The following HS3ST5 variants were observed in gnomAD, a reference collection of about 807,000 sequenced individuals.
HS3ST5 encodes heparan sulfate glucosamine 3-O-sulfotransferase 5.
A neutral mutation model predicts 25.4 loss-of-function variants in HS3ST5; 10 were observed. That is an observed-to-expected ratio of 0.39 (90% CI 0.24 to 0.67). The LOEUF (loss-of-function observed/expected upper bound fraction) is 0.67. Ranked by LOEUF, HS3ST5 falls within the 30% of genes least tolerant of loss-of-function variation. The pLI, the probability that HS3ST5 is intolerant of heterozygous loss-of-function variation, is 0.44. For synonymous variants in HS3ST5, 170 were observed against 162.4 expected (o/e 1.05, Z -0.36); for missense variants, 324 against 420.7 (o/e 0.77, Z 2.01).
chr6:114,237,437 T>C (rs565222306), intron 1 of HS3ST5, among the ~76,000 whole-genome samples: 28 of 152,256 alleles, frequency 1.8e-4, no homozygotes, highest in African/African-American at 6.0e-4. Context: ...CCTCAATTTT[T>C]ATTTTGTCTA....
chr6:114,323,159 C>T (rs1776035688), intron 1 of HS3ST5, among the ~76,000 whole-genome samples: 1 of 151,976 alleles, frequency 6.6e-6, no homozygotes, highest in Non-Finnish European at 1.5e-5. Context: ...AGCCTATTGC[C>T]AACTAACAAA....
chr6:114,197,188 A>G (rs1780803250), intron 2 of HS3ST5, among the ~76,000 whole-genome samples: 1 of 151,684 alleles, frequency 6.6e-6, no homozygotes, highest in East Asian at 1.9e-4. Flanking sequence ...AAATAAATGA[A>G]TGAACTGCCA....
intron 1 of HS3ST5, among the ~76,000 whole-genome samples, chr6:114,279,888 A>G (rs917077439): frequency 6.6e-6 from 1 of 152,018 alleles, no homozygotes; most frequent in Non-Finnish European, 1.5e-5. Flanking sequence ...TAGAAACATC[A>G]TGGTGAATCC....
chr6:114,272,393 A>G (rs1219891378), intron 1 of HS3ST5, among the ~76,000 whole-genome samples: 1 of 152,130 alleles, frequency 6.6e-6, no homozygotes, highest in Non-Finnish European at 1.5e-5. Context: ...GGCAAGACTT[A>G]ACTTTGAAAG....
chr6:114,281,539 G>A (rs1282085424), intron 1 of HS3ST5, among the ~76,000 whole-genome samples: 2 of 151,938 alleles, frequency 1.3e-5, no homozygotes, highest in Non-Finnish European at 2.9e-5. Context: ...GTGGCCACAT[G>A]GAAAACAGCT....
Position 114,055,646 on chromosome 6 carries a change from C to G in HS3ST5, c.*1611G>C, listed in dbSNP as rs1361819025. 3 of 152,212 alleles carry G rather than the reference C, an allele frequency of 2.0e-5. No homozygotes were observed. Among genetic ancestry groups the G allele is most frequent in the African/African-American group, 7.2e-5 (3 of 41,454 alleles). 9.4% of individuals were successfully genotyped at this position (152,212 alleles called of 1,614,324 possible). A position where few individuals can be genotyped will look rare whatever the true frequency, so the allele number is the denominator to read the frequency against. On this transcript the variant is annotated 3_prime_UTR_variant, in exon 5 of 5. Transcript: ENST00000312719. Reference sequence around the variant, plus strand: ...AAAAGTTCACCATCAAATCACTAGACAGGATAAACAACTCATGGAGAAAAT... The same window carrying G: ...AAAAGTTCACCATCAAATCACTAGAGAGGATAAACAACTCATGGAGAAAAT...
intron 3 of HS3ST5, among the ~76,000 whole-genome samples, chr6:114,118,291 G>GA (rs1056534406): frequency 1.1e-4 from 16 of 151,598 alleles, no homozygotes; most frequent in Non-Finnish European, 2.4e-4. Context: ...ATTTTCAGCG[G>GA]AAAAAAAATG....
chr6:114,255,699 ATGTGGAAG>A (rs1772875448), intron 1 of HS3ST5, among the ~76,000 whole-genome samples: 5 of 152,140 alleles, frequency 3.3e-5, no homozygotes, highest in Admixed American at 1.3e-4. Context: ...GCCCAACACC[ATGTGGAAG>A]CTGCCAAGGC....
chr6:114,268,949 T>C (rs572998862), intron 1 of HS3ST5, among the ~76,000 whole-genome samples: 1 of 152,164 alleles, frequency 6.6e-6, no homozygotes, highest in Non-Finnish European at 1.5e-5. Flanking sequence ...ATGCTAGCTC[T>C]CCAATATCTC....
intron 1 of HS3ST5, among the ~76,000 whole-genome samples, chr6:114,252,367 G>A (rs971842921): frequency 3.0e-4 from 45 of 152,262 alleles, no homozygotes; most frequent in African/African-American, 1.1e-3. Flanking sequence ...GCCTGACTGT[G>A]AAATTATGGT....
chr6:114,064,184 C>G (rs1186158348), intron 3 of HS3ST5, among the ~76,000 whole-genome samples: 2 of 152,168 alleles, frequency 1.3e-5, no homozygotes, highest in Non-Finnish European at 2.9e-5. Flanking sequence ...AATGATATCT[C>G]TGTATTGCTA....
In HS3ST5 at chr6:114,317,455, A is replaced by G. The variant is rs1291387841; in HGVS notation, c.-339+24740T>C. Among the ~76,000 whole-genome samples, 11 of 152,336 alleles carry G rather than the reference A, an allele frequency of 7.2e-5. No homozygotes were observed. In the East Asian group the frequency reaches 1.7e-3, roughly 24 times the overall value. On this transcript the variant is annotated intron_variant, in intron 1 of 4. Coordinates refer to ENST00000312719, the MANE Select transcript of HS3ST5 (RefSeq NM_153612.4). ...GCTAACTGAAATGTGAAGGAATTCT[A>G]TAACAGTCTTAAAATCACAATAAGG...
At chr6:114,293,714 G>A (rs1774685740) in intron 1 of HS3ST5, among the ~76,000 whole-genome samples, 1 of 152,178 alleles carries the variant, frequency 6.6e-6, no homozygotes, top group Admixed American at 6.5e-5. Context: ...ATGAAAAGCT[G>A]ACAGATACTA....
intron 3 of HS3ST5, among the ~76,000 whole-genome samples, chr6:114,093,353 TTGTGTGTGTGTG>T (rs60927880): frequency 0.27 from 36,480 of 134,098 alleles, 4,736 homozygotes; most frequent in African/African-American, 0.33. Flanking sequence ...GTTTGTTTGT[TTGTGTGTGTGTG>T]TGTGTGTGTG....
chr6:114,087,616 A>G (rs1025717527), intron 3 of HS3ST5, among the ~76,000 whole-genome samples: 1 of 152,322 alleles, frequency 6.6e-6, no homozygotes, highest in Non-Finnish European at 1.5e-5. Context: ...CAAAATAATC[A>G]GGTGCAAAAA....
At chr6:114,332,473 C>T (rs1337361939) in intron 1 of HS3ST5, among the ~76,000 whole-genome samples, 1 of 152,054 alleles carries the variant, frequency 6.6e-6, no homozygotes, top group East Asian at 1.9e-4. Context: ...AGTACCTGTT[C>T]AATGTATACT....
chr6:114,064,026 A>G lies in HS3ST5; in HGVS notation c.-32-1149T>C, dbSNP rs564941098. On this transcript the variant is annotated intron_variant, in intron 3 of 4. Coordinates refer to ENST00000312719, the MANE Select transcript of HS3ST5 (RefSeq NM_153612.4). ...TTATTAAATTTTGGGGAAAAATGCA[A>G]GTTCCCAATTCAGCCTTTCTTATTA... Among the ~76,000 whole-genome samples the G allele has an allele frequency of 4.6e-5, 7 of 152,344 alleles. No homozygotes were observed. In the South Asian group the frequency reaches 6.2e-4, roughly 14 times the overall value.
chr6:114,097,392 A>G lies in HS3ST5; in HGVS notation c.-32-34515T>C, dbSNP rs139457092. Among the ~76,000 whole-genome samples the G allele has an allele frequency of 2.5e-3, 377 of 152,086 alleles. 4 individuals are homozygous for G. Among genetic ancestry groups the G allele is most frequent in the African/African-American group, 8.6e-3 (358 of 41,542 alleles). Reference sequence around the variant, plus strand: ...TGCAAAATGCAAAACTTGTTTAACAACTTTTCCTAGGAACATTAAAACATA... The same window carrying G: ...TGCAAAATGCAAAACTTGTTTAACAGCTTTTCCTAGGAACATTAAAACATA... On this transcript the variant is annotated intron_variant, in intron 3 of 4. Coordinates refer to ENST00000312719, the MANE Select transcript of HS3ST5 (RefSeq NM_153612.4).
In HS3ST5 at chr6:114,330,067, C is replaced by T. The variant is rs141783506; in HGVS notation, c.-339+12128G>A. On this transcript the variant is annotated intron_variant, in intron 1 of 4. Transcript: ENST00000312719. ...TCCGGTGGGAGTGGTATAAATGTCC[C>T]CATTTCCATGACATAAATTCTCACT... Among the ~76,000 whole-genome samples the T allele has an allele frequency of 8.3e-4, 126 of 152,134 alleles. 6 individuals are homozygous for T. In the East Asian group the frequency reaches 0.024, roughly 29 times the overall value.
Sources: gnomAD v4.1 joint callset for allele counts (sites outside exome capture counted in the v4.1 genomes callset) on GRCh38, gnomAD v4.1.1 for gene constraint, MANE v1.5 for transcripts, NCBI Gene and HGNC (gene_info 2026-07-23, HGNC 2026-07-21) for gene names.